Variants in UBR1 observed in about 807,000 individuals in gnomAD.
UBR1 encodes the protein ubiquitin protein ligase E3 component n-recognin 1, also known as E3 ubiquitin-protein ligase UBR1.
Under a neutral mutation model 242.1 loss-of-function variants are expected in UBR1, and 102 were observed. That is an observed-to-expected ratio of 0.42 (90% CI 0.36 to 0.50). The LOEUF is 0.50. Among genes scored for constraint, UBR1 ranks in the 20% least tolerant of loss-of-function variants. UBR1 has a pLI of 0.01. For missense variants in UBR1, 1,772 were observed against 2,101.8 expected, an observed-to-expected ratio of 0.84 and a Z score of 3.07; for synonymous variants, 675 against 684.8, an observed-to-expected ratio of 0.99 and a Z score of 0.22.
chr15:43,005,961 A>G (rs1189333963), intron 30 of UBR1, among the ~76,000 whole-genome samples: 1 of 150,124 alleles, frequency 6.7e-6, no homozygotes, highest in Non-Finnish European at 1.5e-5. Flanking sequence ...GGAAGGCCGC[A>G]GGGTCCTCTG....
chr15:43,105,169 G>C (rs982115918), intron 1 of UBR1, among the ~76,000 whole-genome samples: 3 of 152,126 alleles, frequency 2.0e-5, no homozygotes, highest in Non-Finnish European at 2.9e-5. Context: ...ACAGATATTT[G>C]AATATTTTCT....
At chr15:43,105,587 C>T (rs1248403972) in intron 1 of UBR1, among the ~76,000 whole-genome samples, 4 of 152,146 alleles carry the variant, frequency 2.6e-5, no homozygotes, top group Non-Finnish European at 4.4e-5. Context: ...GCGTTCCCAT[C>T]ATCAAGAGTA....
intron 27 of UBR1, among the ~76,000 whole-genome samples, chr15:43,019,587 T>G (rs1046585227): frequency 1.3e-5 from 2 of 149,656 alleles, no homozygotes; most frequent in South Asian, 2.1e-4. Flanking sequence ...TCAGGTTTTT[T>G]TTTTTTTTTT....
intron 1 of UBR1, among the ~76,000 whole-genome samples, chr15:43,097,278 G>A (rs907980823): frequency 1.3e-5 from 2 of 152,008 alleles, no homozygotes; most frequent in Non-Finnish European, 2.9e-5. Flanking sequence ...AAAATATTCA[G>A]TAAATCATGT....
intron 13 of UBR1, among the ~76,000 whole-genome samples, chr15:43,048,054 G>A (rs1438522080): frequency 6.6e-6 from 1 of 152,062 alleles, no homozygotes; most frequent in Non-Finnish European, 1.5e-5. Flanking sequence ...GGGTGTGGTG[G>A]TGCATGCCTG....
In UBR1 at chr15:43,021,262, T is replaced by A; in HGVS notation, c.2940+13A>T. ...TTAAACCAAGATATGATCACTTTAC[T>A]TTTTTAGTTTACCTGAAGTATCCAC... On this transcript the variant is annotated intron_variant, in intron 27 of 46. Transcript: ENST00000290650. The A allele has an allele frequency of 6.2e-7, 1 of 1,610,228 alleles. No individual in the cohort carries two copies. The highest frequency in any genetic ancestry group is 8.5e-7 in the Non-Finnish European group (1 of 1,176,712).
At position 42,944,021 on chromosome 15, in the gene UBR1, AAAG is replaced by A. The variant is rs1383114856; in HGVS notation, c.*1305_*1307del. The A allele has an allele frequency of 6.6e-6, 1 of 152,270 alleles. No homozygotes were observed. The highest frequency in any genetic ancestry group is 1.5e-5 in the Non-Finnish European group (1 of 68,034). The allele number at this position is 152,270 out of a possible 1,614,324, so 9.4% of individuals were successfully genotyped here. On this transcript the variant is annotated 3_prime_UTR_variant, in exon 47 of 47. Transcript: ENST00000290650. ...TTACTTGCTTGCCTTTGCTGAGCAA[AAAG>A]AAGGTAGGAAAACATTTACACACAT...
intron 36 of UBR1, 48 bp from the exon 37 acceptor site, chr15:42,984,041 G>A: frequency 4.4e-6 from 5 of 1,132,932 alleles, no homozygotes; most frequent in Non-Finnish European, 6.5e-6. Context: ...GAAGATGAGA[G>A]ACCTAAGTCA....
At position 43,024,856 on chromosome 15, in the gene UBR1, G is replaced by C; in HGVS notation, c.2712C>G (p.Asn904Lys). Residue 904 changes from asparagine (N) to lysine (K), a missense_variant, in exon 25 of 47, where the codon AAC becomes AAG. Physicochemically the swap from Asn to Lys is moderately conservative, Grantham distance 94. This residue lies in a region of UBR1 where 965 missense variants were observed against 1,079.7 expected (regional missense o/e 0.89). Transcript: ENST00000290650. ...TTTGGAGCATCCCTTCGGTCCACAA[G>C]TTAGAATCTGTGTCTATTGCCCGCT... ...VFERAIDTDS[N>K]LWTEGMLQMA... 2 of 1,614,154 alleles carry C rather than the reference G, an allele frequency of 1.2e-6. No individual in the cohort carries two copies. The highest frequency in any genetic ancestry group is 1.7e-6 in the Non-Finnish European group (2 of 1,180,018).
At chr15:43,099,013 T>A (rs2034194087) in intron 1 of UBR1, among the ~76,000 whole-genome samples, 1 of 152,122 alleles carries the variant, frequency 6.6e-6, no homozygotes. Context: ...CACTTCTATA[T>A]TGAAGTCAAG....
chr15:42,992,519 T>C (rs937199270), intron 33 of UBR1, among the ~76,000 whole-genome samples: 40 of 152,246 alleles, frequency 2.6e-4, no homozygotes, highest in African/African-American at 9.4e-4. Context: ...CTGTGGTGTT[T>C]TGATCTGCCC....
At chr15:42,978,745 T>A (rs2032328048) in intron 37 of UBR1, among the ~76,000 whole-genome samples, 1 of 151,504 alleles carries the variant, frequency 6.6e-6, no homozygotes, top group Non-Finnish European at 1.5e-5. Flanking sequence ...TTTTTTTTTT[T>A]TTAGACAGAA....
At chr15:43,015,006 G>A (rs1486555564) in intron 29 of UBR1, among the ~76,000 whole-genome samples, 10 of 149,816 alleles carry the variant, frequency 6.7e-5, no homozygotes, top group East Asian at 2.0e-4. Context: ...CAGACGCCCC[G>A]ACTGGGAGGG....
chr15:43,048,102 G>A (rs955313103), intron 13 of UBR1, among the ~76,000 whole-genome samples: 25 of 151,640 alleles, frequency 1.6e-4, no homozygotes, highest in African/African-American at 3.6e-4. Context: ...CAGGAGAATC[G>A]CTTGAACCTG....
Position 43,002,732 on chromosome 15 carries a change from T to C in UBR1, c.3510-28A>G, listed in dbSNP as rs369783155. On this transcript the variant is annotated intron_variant, in intron 31 of 46. Transcript: ENST00000290650. ...GCAAAATTACAAAGACACAGGCCCATTCAGAACTACACATGCATCTCTACA... is the reference window on the plus strand; with the variant it reads ...GCAAAATTACAAAGACACAGGCCCACTCAGAACTACACATGCATCTCTACA... 12 of 1,613,768 alleles carry C rather than the reference T, an allele frequency of 7.4e-6. No individual in the cohort carries two copies. In the African/African-American group the frequency reaches 1.2e-4, roughly 16 times the overall value.
At chr15:43,018,206 T>C (rs1336174183) in intron 27 of UBR1, among the ~76,000 whole-genome samples, 1 of 152,108 alleles carries the variant, frequency 6.6e-6, no homozygotes, top group Non-Finnish European at 1.5e-5. Context: ...TTTCACCATG[T>C]TAGCCAGGAT....
intron 37 of UBR1, among the ~76,000 whole-genome samples, chr15:42,980,822 G>A (rs562153912): frequency 6.6e-6 from 1 of 152,050 alleles, no homozygotes; most frequent in East Asian, 1.9e-4. Context: ...GGCTGGTCTC[G>A]AACTCCTGAG....
intron 32 of UBR1, among the ~76,000 whole-genome samples, chr15:42,998,598 T>C (rs2032674947): frequency 6.6e-6 from 1 of 152,194 alleles, no homozygotes; most frequent in Non-Finnish European, 1.5e-5. Flanking sequence ...TTCTAATCTA[T>C]TAATTAACCT....
intron 29 of UBR1, among the ~76,000 whole-genome samples, chr15:43,014,194 C>G (rs916550294): frequency 2.2e-4 from 34 of 152,256 alleles, no homozygotes; most frequent in African/African-American, 7.7e-4. Context: ...CTCAATGGTG[C>G]CCAGGCTGGA....
Sources: gnomAD v4.1 joint callset for allele counts (sites outside exome capture counted in the v4.1 genomes callset) on GRCh38, gnomAD v4.1.1 for gene constraint, gnomAD v4.1.1 regional missense constraint, MANE v1.5 for transcripts, NCBI Gene and HGNC (gene_info 2026-07-23, HGNC 2026-07-21) for gene names.